Variants in RHAG observed in about 807,000 individuals in gnomAD.
RHAG encodes Rh associated glycoprotein, also known as ammonium transporter Rh type A.
RHAG carries 25 observed loss-of-function variants against 42.4 expected under a neutral mutation model. The observed-to-expected ratio is 0.59, with a 90% CI of 0.43 to 0.82. The LOEUF (loss-of-function observed/expected upper bound fraction) is 0.82. RHAG is among the 40% of genes least tolerant of loss of function. RHAG has a pLI of 0.00. For missense variants in RHAG, 483 were observed against 504.6 expected, an observed-to-expected ratio of 0.96 and a Z score of 0.41; for synonymous variants, 182 against 177.7, an observed-to-expected ratio of 1.02 and a Z score of -0.19.
At chr6:49,609,034 C>T (rs1350453439) in intron 7 of RHAG, among the ~76,000 whole-genome samples, 25 of 152,190 alleles carry the variant, frequency 1.6e-4, no homozygotes, top group Non-Finnish European at 2.4e-4. Context: ...TAGAGTTATG[C>T]TGCTATAATT....
chr6:49,632,308 A>G (rs988294165), intron 1 of RHAG: 2 of 152,190 alleles, frequency 1.3e-5, no homozygotes, highest in Non-Finnish European at 2.9e-5. Flanking sequence ...TGACACATAC[A>G]TTGTTGCTTC....
In RHAG at chr6:49,619,227, T is replaced by A; in HGVS notation, c.293A>T (p.Gln98Leu). ...CTGTCCCTGGCTTTGCAGGATTCCC[T>A]GTACAATAGTGCCCCACTGGAGGCC... The part of the protein sequence containing the change: ...ALGLQWGTIV[Q>L]GILQSQGQKF... Residue 98 changes from glutamine (Q) to leucine (L), a missense_variant, in exon 2 of 10, where the codon CAG becomes CTG. Transcript: ENST00000371175. The A allele has an allele frequency of 1.2e-6, 2 of 1,614,112 alleles. No homozygotes were observed. Among genetic ancestry groups the A allele is most frequent in the Non-Finnish European group, 1.7e-6 (2 of 1,179,990 alleles).
chr6:49,617,439 G>A (rs941788464), intron 3 of RHAG, among the ~76,000 whole-genome samples: 1 of 152,178 alleles, frequency 6.6e-6, no homozygotes, highest in Admixed American at 6.5e-5. Flanking sequence ...TCTCCCACTA[G>A]AGTGTAAGCT....
At chr6:49,617,938 G>A (rs1198819713) in intron 3 of RHAG, 130 bp downstream of exon 3, 2 of 781,866 alleles carry the variant, frequency 2.6e-6, no homozygotes, top group African/African-American at 1.7e-5. Flanking sequence ...GTAAATGATG[G>A]TTATTGTTAC....
At chr6:49,634,891 A>G (rs1197643828) in intron 1 of RHAG, among the ~76,000 whole-genome samples, 1 of 151,114 alleles carries the variant, frequency 6.6e-6, no homozygotes, top group Non-Finnish European at 1.5e-5. Context: ...TTGTGAAATG[A>G]TCACTACAAT....
chr6:49,623,732 A>C (rs987657789), intron 1 of RHAG, among the ~76,000 whole-genome samples: 2 of 152,244 alleles, frequency 1.3e-5, no homozygotes, highest in Non-Finnish European at 2.9e-5. Context: ...GCTTCCCACA[A>C]GGAAGTATTG....
At chr6:49,635,399 A>T (rs1328874916) in intron 1 of RHAG, among the ~76,000 whole-genome samples, 1 of 152,150 alleles carries the variant, frequency 6.6e-6, no homozygotes, top group Admixed American at 6.6e-5. Context: ...GAATAAAAGA[A>T]TCATATTTGT....
chr6:49,623,031 GT>G (rs11361071), intron 1 of RHAG, among the ~76,000 whole-genome samples: 33,948 of 151,428 alleles, frequency 0.22, 4,133 homozygotes, highest in African/African-American at 0.32. Context: ...TAGAGACGGG[GT>G]TTTCACCGTG....
Position 49,618,104 on chromosome 6 carries a change from A to C in RHAG, c.456T>G (p.Phe152Leu). The C allele has an allele frequency of 1.2e-6, 2 of 1,614,104 alleles. No homozygotes were observed. Among genetic ancestry groups the C allele is most frequent in the Non-Finnish European group, 1.7e-6 (2 of 1,179,966 alleles). The change falls in exon 3 of 10, where the codon TTT (phenylalanine) becomes TTG (leucine). Residue 152 changes from phenylalanine to leucine, a missense_variant. Coordinates refer to ENST00000371175, the MANE Select transcript of RHAG (RefSeq NM_000324.3). The part of the protein sequence containing the change: ...LIMTILEIVF[F>L]AHNEYLVSEI... Reference sequence around the variant, plus strand: ...CACTAACCAGGTATTCATTGTGGGCAAAGAAAACAATTTCTAAAATTGTCA... The same window carrying C: ...CACTAACCAGGTATTCATTGTGGGCCAAGAAAACAATTTCTAAAATTGTCA...
chr6:49,617,209 T>C (rs1762670906), intron 3 of RHAG, among the ~76,000 whole-genome samples: 1 of 152,336 alleles, frequency 6.6e-6, no homozygotes, highest in Admixed American at 6.5e-5. Context: ...TTTCTCCCCA[T>C]TAGTTACTGG....
chr6:49,613,663 T>A (rs1581939445), intron 5 of RHAG, among the ~76,000 whole-genome samples: 1 of 152,126 alleles, frequency 6.6e-6, no homozygotes, highest in South Asian at 2.1e-4. Flanking sequence ...TTTACTGGTG[T>A]TTCTCTAGCT....
At chr6:49,624,676 G>A (rs1762815263) in intron 1 of RHAG, among the ~76,000 whole-genome samples, 1 of 152,224 alleles carries the variant, frequency 6.6e-6, no homozygotes, top group Admixed American at 6.5e-5. Context: ...ATGAGGGCAT[G>A]TGTTTTATTT....
At chr6:49,620,493 A>G (rs1216578582) in intron 1 of RHAG, among the ~76,000 whole-genome samples, 1 of 152,078 alleles carries the variant, frequency 6.6e-6, no homozygotes, top group African/African-American at 2.4e-5. Flanking sequence ...CATCCACTAC[A>G]GTGGACAAAC....
chr6:49,622,209 T>G (rs2127354976), intron 1 of RHAG, among the ~76,000 whole-genome samples: 1 of 141,702 alleles, frequency 7.1e-6, no homozygotes, highest in African/African-American at 2.6e-5. Flanking sequence ...TGTCACAAGA[T>G]CTGATGGTTT....
intron 1 of RHAG, among the ~76,000 whole-genome samples, chr6:49,623,817 A>G (rs1039994405): frequency 2.0e-5 from 3 of 152,238 alleles, no homozygotes; most frequent in Non-Finnish European, 4.4e-5. Flanking sequence ...ATTCATAGTA[A>G]GCGGTGTAAA....
At chr6:49,609,000 T>G (rs962337825) in intron 7 of RHAG, among the ~76,000 whole-genome samples, 4 of 152,170 alleles carry the variant, frequency 2.6e-5, no homozygotes, top group Non-Finnish European at 5.9e-5. Context: ...AAAACACTGA[T>G]TTATACAAAA....
intron 1 of RHAG, among the ~76,000 whole-genome samples, chr6:49,631,195 A>G (rs901461429): frequency 2.7e-4 from 41 of 152,208 alleles, no homozygotes; most frequent in African/African-American, 8.0e-4. Flanking sequence ...CCTCTCCACT[A>G]TAAGTGTAAC....
At position 49,615,754 on chromosome 6, in the gene RHAG, T is replaced by C. The variant is rs1562014315; in HGVS notation, c.510A>G (p.Ala170=). ...SEIFKASDIG[A]SMTIHAFGAY... ...CCCCAAAGGCATGGATCGTCATTGA[T>C]GCTCCAATGTCAGAGGCCTGAGGGA... Residue 170 remains alanine (A), a synonymous_variant, in exon 4 of 10, where the codon GCA becomes GCG. Coordinates refer to ENST00000371175, the MANE Select transcript of RHAG (RefSeq NM_000324.3). The C allele has an allele frequency of 1.2e-6, 2 of 1,614,140 alleles. No individual in the cohort carries two copies. Among genetic ancestry groups the C allele is most frequent in the South Asian group, 2.2e-5 (2 of 91,078 alleles).
chr6:49,618,594 G>T (rs866852376), intron 2 of RHAG, among the ~76,000 whole-genome samples: 10 of 152,188 alleles, frequency 6.6e-5, no homozygotes, highest in Middle Eastern at 3.4e-3. Context: ...TATGGAAGAG[G>T]GTTTCTCATA....
Sources: gnomAD v4.1 joint callset for allele counts (sites outside exome capture counted in the v4.1 genomes callset) on GRCh38, gnomAD v4.1.1 for gene constraint, MANE v1.5 for transcripts, NCBI Gene and HGNC (gene_info 2026-07-23, HGNC 2026-07-21) for gene names.